HAUS6: variants seen among roughly 807,000 people sequenced by gnomAD.
HAUS6 encodes HAUS augmin-like complex subunit 6.
A neutral mutation model predicts 106.8 loss-of-function variants in HAUS6; 80 were observed. That is an observed-to-expected ratio of 0.75 (90% CI 0.63 to 0.90). The LOEUF is 0.90. HAUS6 is among the 40% of genes least tolerant of loss of function. The probability of loss-of-function intolerance (pLI) is 0.00; values close to 1 mark genes in which losing one functional copy is unlikely to be tolerated. For synonymous variants in HAUS6, 356 were observed against 379.1 expected, an observed-to-expected ratio of 0.94 and a Z score of 0.71; for missense variants, 1,155 against 1,118.1, an observed-to-expected ratio of 1.03 and a Z score of -0.47.
chr9:19,095,397 C>T (rs1166821284), intron 2 of HAUS6, among the ~76,000 whole-genome samples: 1 of 151,214 alleles, frequency 6.6e-6, no homozygotes, highest in African/African-American at 2.4e-5. Context: ...GACTAAAAGG[C>T]TAGAATGTCA....
intron 12 of HAUS6, among the ~76,000 whole-genome samples, chr9:19,066,970 G>A (rs2131109880): frequency 6.6e-6 from 1 of 151,280 alleles, no homozygotes; most frequent in East Asian, 1.9e-4. Context: ...CTGCACCACT[G>A]CACTCCTGCC....
In HAUS6 at chr9:19,063,971, T is replaced by TTTTA. The variant is rs369546769; in HGVS notation, c.1377-392_1377-391insTAAA. ...TCTTTGTAGCAGATCCTTTATTTTA[T>TTTTA]TTTTTTTTTTTTTGAGACGGAGTTT... On this transcript the variant is annotated intron_variant, in intron 12 of 16. Transcript: ENST00000380502. 5.5e-3 allele frequency among the ~76,000 whole-genome samples: 324 copies of TTTTA among 58,428 alleles called. 5 individuals carry two copies. The highest frequency in any genetic ancestry group is 0.014 in the African/African-American group (132 of 9,556). The allele number at this position is 58,428 out of a possible 152,430, so 38.3% of individuals were successfully genotyped here. A position where few individuals can be genotyped will look rare whatever the true frequency, so the allele number is the denominator to read the frequency against.
chr9:19,096,733 A>G lies in HAUS6; in HGVS notation c.165T>C (p.His55=). ...MFDKLNRDAF[H]IISYFLFQVL... ...CTTGAAACAAAAAATAAGAAATTAT[A>G]TGAAAGGCATCACGGTTCAGCTTGT... is the stretch of plus-strand genomic sequence containing the variant. The change falls in exon 2 of 17, where the codon CAT becomes CAC. Residue 55 remains histidine (H), a synonymous_variant. Coordinates refer to ENST00000380502, the MANE Select transcript of HAUS6 (RefSeq NM_017645.5). 1 of 1,567,936 alleles carries G rather than the reference A, an allele frequency of 6.4e-7. No individual in the cohort carries two copies. The highest frequency in any genetic ancestry group is 8.7e-7 in the Non-Finnish European group (1 of 1,153,014).
chr9:19,080,758 T>C (rs1837124925), intron 8 of HAUS6, 86 bp from the exon 9 acceptor site: 2 of 769,712 alleles, frequency 2.6e-6, no homozygotes, highest in Non-Finnish European at 4.2e-6. Flanking sequence ...TTTTTTACTA[T>C]TAAAGTTTAC....
rs1382319745 is a variant in HAUS6, at chr9:19,058,273, C to A, written c.2494G>T (p.Ala832Ser). The A allele has an allele frequency of 1.2e-6, 2 of 1,613,626 alleles. No homozygotes were observed. The highest frequency in any genetic ancestry group is 2.7e-5 in the African/African-American group (2 of 74,868). ...TTPESDFNLQ[A>S]LRSRYEALKK... Reference sequence around the variant, plus strand: ...AGAGCCTCGTATCTACTGCGAAGAGCCTGTAAATTAAAGTCTGATTCTGGA... The same window carrying A: ...AGAGCCTCGTATCTACTGCGAAGAGACTGTAAATTAAAGTCTGATTCTGGA... The change falls in exon 16 of 17, where the codon GCT (alanine) becomes TCT (serine). Residue 832 changes from alanine to serine, a missense_variant. Ala to Ser is a moderately conservative substitution (Grantham distance 99). This residue lies in a region of HAUS6 where 380 missense variants were observed against 394.8 expected (regional missense o/e 0.96). Coordinates refer to ENST00000380502, the MANE Select transcript of HAUS6 (RefSeq NM_017645.5).
At chr9:19,082,243 A>G (rs1159904818) in intron 8 of HAUS6, among the ~76,000 whole-genome samples, 1 of 152,232 alleles carries the variant, frequency 6.6e-6, no homozygotes, top group Admixed American at 6.5e-5. Context: ...GACTTTTTAA[A>G]AGGACATTTG....
At position 19,058,511 on chromosome 9, in the gene HAUS6, C is replaced by T; in HGVS notation, c.2256G>A (p.Met752Ile). The T allele has an allele frequency of 1.3e-6, 2 of 1,575,608 alleles. No homozygotes were observed. Among genetic ancestry groups the T allele is most frequent in the South Asian group, 2.3e-5 (2 of 87,108 alleles). ...TTGATATCTGAAAAGAATTCCACAA[C>T]ATAGTTTTATTTGTGGAAGGTTTGT... is the stretch of plus-strand genomic sequence containing the variant. ...SCNKPSTNKT[M>I]LWNSFQISSG... Residue 752 changes from methionine to isoleucine, a missense_variant, in exon 16 of 17, where the codon ATG (methionine) becomes ATA (isoleucine). Physicochemically the swap from Met to Ile is conservative, Grantham distance 10. Coordinates refer to ENST00000380502, the MANE Select transcript of HAUS6 (RefSeq NM_017645.5).
Position 19,081,925 on chromosome 9 carries a change from A to G in HAUS6, c.870+948T>C, listed in dbSNP as rs553075988. ...ACTAAAGAAGTGTCTCTCTTCAGAG[A>G]GTCACAACAATATTTTATCTTTGTA... On this transcript the variant is annotated intron_variant, in intron 8 of 16. Transcript: ENST00000380502. 3.1e-4 allele frequency among the ~76,000 whole-genome samples: 47 copies of G among 152,220 alleles called. No individual in the cohort carries two copies. The East Asian group carries it at 9.0e-3, about 29-fold the overall frequency.
In HAUS6 at chr9:19,054,338, G is replaced by C. The variant is rs1836424646; in HGVS notation, c.*2005C>G. ...TCAATGGAATTTTAGGCAAGGAAGT[G>C]ACCCAATCAAAACAGTTCCTTAAGA... On this transcript the variant is annotated 3_prime_UTR_variant, in exon 17 of 17. Coordinates refer to ENST00000380502, the MANE Select transcript of HAUS6 (RefSeq NM_017645.5). 6.6e-6 allele frequency: 1 copy of C among 152,156 alleles called. No individual in the cohort carries two copies. Among genetic ancestry groups the C allele is most frequent in the South Asian group, 2.1e-4 (1 of 4,828 alleles). 9.4% of individuals were successfully genotyped at this position (152,156 alleles called of 1,614,324 possible).
intron 1 of HAUS6, among the ~76,000 whole-genome samples, chr9:19,097,032 A>C (rs1348027685): frequency 6.6e-6 from 1 of 152,186 alleles, no homozygotes; most frequent in Non-Finnish European, 1.5e-5. Flanking sequence ...AAAAGGAAGG[A>C]AAACCTATTT....
At chr9:19,083,093 T>G (rs779186045) in intron 7 of HAUS6, 50 bp from the exon 8 acceptor site, 1 of 1,140,704 alleles carries the variant, frequency 8.8e-7, no homozygotes, top group Non-Finnish European at 1.2e-6. Context: ...TCTGTACATA[T>G]TTTAAAAATG....
chr9:19,080,445 T>C, intron 9 of HAUS6, 34 bp downstream of exon 9: 1 of 1,422,204 alleles, frequency 7.0e-7, no homozygotes, highest in Non-Finnish European at 9.9e-7. Context: ...ACCCTACTCC[T>C]CCCACAGTAA....
rs556111763 is a variant in HAUS6, at chr9:19,058,162, T to C, written c.2605A>G (p.Thr869Ala). 2.5e-6 allele frequency: 4 copies of C among 1,613,806 alleles called. No homozygotes were observed. The highest frequency in any genetic ancestry group is 1.7e-5 in the Admixed American group (1 of 60,000). The part of the protein sequence containing the change: ...PERHKPELSP[T>A]PQNVQTDDTL... ...TCATCTGTTTGTACATTTTGGGGAG[T>C]AGGGCTCAATTCTGGTTTGTGTCTT... is the stretch of plus-strand genomic sequence containing the variant. Residue 869 changes from threonine (T) to alanine (A), a missense_variant, in exon 16 of 17, where the codon ACT (threonine) becomes GCT (alanine). Thr to Ala is a moderately conservative substitution (Grantham distance 58). Around this residue, in one of 3 missense-constraint regions of HAUS6, gnomAD observed 380 missense variants for 394.8 expected, o/e 0.96. Coordinates refer to ENST00000380502, the MANE Select transcript of HAUS6 (RefSeq NM_017645.5).
chr9:19,069,575 G>A (rs1419668369), intron 12 of HAUS6, among the ~76,000 whole-genome samples: 1 of 152,076 alleles, frequency 6.6e-6, no homozygotes, highest in Non-Finnish European at 1.5e-5. Context: ...TGTAATGCCA[G>A]CTACTTAGGA....
chr9:19,062,963 T>C, intron 14 of HAUS6, 45 bp downstream of exon 14: 2 of 1,399,798 alleles, frequency 1.4e-6, no homozygotes, highest in Non-Finnish European at 2.0e-6. Context: ...ACTGTGCCCA[T>C]CCAATAACTG....
intron 4 of HAUS6, chr9:19,089,783 C>A: frequency 1.9e-6 from 1 of 523,514 alleles, no homozygotes; most frequent in Non-Finnish European, 3.4e-6. Context: ...TAACAACTCC[C>A]CAAAAGCTAG....
At chr9:19,099,745 C>A (rs184860989) in intron 1 of HAUS6, among the ~76,000 whole-genome samples, 1 of 152,138 alleles carries the variant, frequency 6.6e-6, no homozygotes, top group Non-Finnish European at 1.5e-5. Context: ...ACAAATGCAT[C>A]GAGCAATTTT....
At chr9:19,063,218 T>G (rs1836669541) in intron 13 of HAUS6, 25 bp from the exon 14 acceptor site, 2 of 1,451,048 alleles carry the variant, frequency 1.4e-6, no homozygotes, top group East Asian at 4.5e-5. Context: ...TATGTAATGT[T>G]AAACCCTTAA....
chr9:19,075,340 A>G (rs1006082944), intron 11 of HAUS6, among the ~76,000 whole-genome samples: 3 of 152,226 alleles, frequency 2.0e-5, no homozygotes, highest in Non-Finnish European at 4.4e-5. Flanking sequence ...TGAATTTAGC[A>G]AAAAGCAAGA....
Sources: gnomAD v4.1 joint callset for allele counts (sites outside exome capture counted in the v4.1 genomes callset) on GRCh38, gnomAD v4.1.1 for gene constraint, gnomAD v4.1.1 regional missense constraint, MANE v1.5 for transcripts, NCBI Gene and HGNC (gene_info 2026-07-23, HGNC 2026-07-21) for gene names.